The following POU6F2 variants were observed in gnomAD, a reference collection of about 807,000 sequenced individuals.
The protein encoded by POU6F2 is POU domain, class 6, transcription factor 2.
POU6F2 carries 31 observed loss-of-function variants against 71.3 expected under a neutral mutation model. That is an observed-to-expected ratio of 0.43 (90% CI 0.33 to 0.59). The LOEUF is 0.59. Ranked by LOEUF, POU6F2 falls within the 20% of genes least tolerant of loss-of-function variation. The pLI is 0.04. For missense variants in POU6F2, 783 were observed against 856.8 expected (o/e 0.91, Z 1.07); for synonymous variants, 347 against 355.7 (o/e 0.98, Z 0.27).
chr7:39,452,279 T>G (rs570767201), intron 8 of POU6F2, among the ~76,000 whole-genome samples: 2 of 152,220 alleles, frequency 1.3e-5, no homozygotes, highest in Non-Finnish European at 2.9e-5. Flanking sequence ...CCTGCAAGTC[T>G]GCCTCCCTAA....
chr7:39,316,308 T>C (rs1785266991), intron 4 of POU6F2, among the ~76,000 whole-genome samples: 1 of 152,116 alleles, frequency 6.6e-6, no homozygotes, highest in Non-Finnish European at 1.5e-5. Context: ...GGACTTAGTG[T>C]TTTGATTTCC....
intron 1 of POU6F2, among the ~76,000 whole-genome samples, chr7:39,063,033 A>G (rs1790689958): frequency 6.6e-6 from 1 of 152,156 alleles, no homozygotes; most frequent in Non-Finnish European, 1.5e-5. Context: ...TAAGTAAATG[A>G]TAGTCTGGAT....
intron 2 of POU6F2, among the ~76,000 whole-genome samples, chr7:39,152,828 G>C (rs1401272762): frequency 6.6e-6 from 1 of 152,194 alleles, no homozygotes; most frequent in African/African-American, 2.4e-5. Flanking sequence ...ACTTATAAGT[G>C]ATTCTGAAAC....
intron 5 of POU6F2, among the ~76,000 whole-genome samples, chr7:39,361,942 G>A (rs1307596007): frequency 6.6e-6 from 1 of 152,184 alleles, no homozygotes; most frequent in Non-Finnish European, 1.5e-5. Context: ...TCTCATGGAT[G>A]TAGCATGTCC....
intron 2 of POU6F2, among the ~76,000 whole-genome samples, chr7:39,180,823 C>T (rs202218906): frequency 1.3e-5 from 2 of 152,174 alleles, no homozygotes; most frequent in East Asian, 3.9e-4. Context: ...CTGCCCACTG[C>T]TGACCCTCCT....
intron 1 of POU6F2, among the ~76,000 whole-genome samples, chr7:39,047,935 T>C (rs1790323407): frequency 6.6e-6 from 1 of 151,982 alleles, no homozygotes; most frequent in South Asian, 2.1e-4. Flanking sequence ...TTAAAAGAAT[T>C]TTTGCCTCTG....
chr7:39,275,317 T>C (rs1784415983), intron 4 of POU6F2, among the ~76,000 whole-genome samples: 1 of 152,092 alleles, frequency 6.6e-6, no homozygotes, highest in Non-Finnish European at 1.5e-5. Context: ...TCAAAGAGAA[T>C]AAAATACTTA....
intron 1 of POU6F2, among the ~76,000 whole-genome samples, chr7:38,982,550 T>C (rs1295341728): frequency 1.3e-5 from 2 of 152,114 alleles, no homozygotes; most frequent in Non-Finnish European, 2.9e-5. Flanking sequence ...TTTCACCAGA[T>C]GGACTTAATT....
At chr7:39,081,170 CATTA>C (rs1428919711) in intron 1 of POU6F2, among the ~76,000 whole-genome samples, 1 of 152,066 alleles carries the variant, frequency 6.6e-6, no homozygotes, top group Non-Finnish European at 1.5e-5. Context: ...AACTAAGAAA[CATTA>C]ATTAGGTAAA....
chr7:39,295,485 A>T (rs1784829219), intron 4 of POU6F2, among the ~76,000 whole-genome samples: 1 of 152,330 alleles, frequency 6.6e-6, no homozygotes, highest in Non-Finnish European at 1.5e-5. Context: ...GCGTGATGGC[A>T]CATGCCTATA....
At chr7:39,160,531 G>A (rs1202789704) in intron 2 of POU6F2, among the ~76,000 whole-genome samples, 1 of 152,168 alleles carries the variant, frequency 6.6e-6, no homozygotes, top group Non-Finnish European at 1.5e-5. Flanking sequence ...CATTCTGTGT[G>A]TCATGAGACA....
chr7:39,224,882 C>T (rs1794432610), intron 4 of POU6F2, among the ~76,000 whole-genome samples: 1 of 152,182 alleles, frequency 6.6e-6, no homozygotes, highest in African/African-American at 2.4e-5. Context: ...GAAAGTTTCT[C>T]TCTGAAACCT....
chr7:39,460,129 C>G lies in POU6F2; in HGVS notation c.1490-418C>G, dbSNP rs1788911820. ...TTGTCTTCAAGAGCAATTTTTAGCA[C>G]TAAATATGCTAATTAAAACATTTCA... On this transcript the variant is annotated intron_variant, in intron 8 of 9. Coordinates refer to ENST00000518318, the MANE Select transcript of POU6F2 (RefSeq NM_001370959.1). This position sits in a 1 kb window ranked among gnomAD's most constrained non-coding sequence, Gnocchi z 4.4. Among the ~76,000 whole-genome samples, 1 of 152,176 alleles carries G rather than the reference C, an allele frequency of 6.6e-6. No homozygotes were observed. Among genetic ancestry groups the G allele is most frequent in the Non-Finnish European group, 1.5e-5 (1 of 68,022 alleles).
intron 2 of POU6F2, among the ~76,000 whole-genome samples, chr7:39,126,042 T>A (rs1469918834): frequency 1.3e-5 from 2 of 152,194 alleles, no homozygotes; most frequent in African/African-American, 4.8e-5. Context: ...AGCTTTTAAT[T>A]TCTTTACATT....
chr7:39,358,889 A>G lies in POU6F2; in HGVS notation c.972+18874A>G, dbSNP rs550089267. On this transcript the variant is annotated intron_variant, in intron 5 of 9. Coordinates refer to ENST00000518318, the MANE Select transcript of POU6F2 (RefSeq NM_001370959.1). ...TTCTGTATTTAAAAAAAAAAAAAAA[A>G]AAGAGTATGACAAGAAGATGCTTTT... Among the ~76,000 whole-genome samples, 10 of 151,906 alleles carry G rather than the reference A, an allele frequency of 6.6e-5. No homozygotes were observed. The South Asian group carries it at 1.9e-3, about 28-fold the overall frequency.
intron 2 of POU6F2, among the ~76,000 whole-genome samples, chr7:39,103,496 G>A (rs1397539209): frequency 6.6e-6 from 1 of 152,214 alleles, no homozygotes; most frequent in Non-Finnish European, 1.5e-5. Context: ...CTTGAACTGA[G>A]TGATCCAAAG....
chr7:39,132,979 G>A (rs1011460770), intron 2 of POU6F2, among the ~76,000 whole-genome samples: 1 of 152,160 alleles, frequency 6.6e-6, no homozygotes, highest in Non-Finnish European at 1.5e-5. Flanking sequence ...GATGGTGTAT[G>A]AGATTACCTC....
chr7:39,084,360 ATTATT>A (rs1472950625), intron 1 of POU6F2, among the ~76,000 whole-genome samples: 1 of 152,192 alleles, frequency 6.6e-6, no homozygotes, highest in African/African-American at 2.4e-5. Flanking sequence ...AAAAGTATTG[ATTATT>A]TTGATGACTG....
At position 39,442,085 on chromosome 7, in the gene POU6F2, C is replaced by T. The variant is rs553403618; in HGVS notation, c.1320+8802C>T. Among the ~76,000 whole-genome samples, 10 of 152,240 alleles carry T rather than the reference C, an allele frequency of 6.6e-5. No individual in the cohort carries two copies. In the East Asian group the frequency reaches 1.9e-3, roughly 29 times the overall value. ...ACGAAAACAAACCCATTCTTGGTGG[C>T]TCTCAGAGACTATGCTTGGAAAATC... On this transcript the variant is annotated intron_variant, in intron 7 of 9. Transcript: ENST00000518318.
Sources: allele counts gnomAD v4.1 joint callset (sites outside exome capture counted in the v4.1 genomes callset), GRCh38; gene constraint gnomAD v4.1.1; non-coding constraint Gnocchi (gnomAD v3.1); transcripts MANE v1.5; gene names NCBI Gene and HGNC (gene_info 2026-07-23, HGNC 2026-07-21).